Variants in STXBP6 observed in about 807,000 individuals in gnomAD.
The protein encoded by STXBP6 is syntaxin-binding protein 6.
In STXBP6, 21 loss-of-function variants were observed where a neutral mutation model predicts 26.9. That is an observed-to-expected ratio of 0.78 (90% CI 0.55 to 1.12). STXBP6 has a LOEUF of 1.12. STXBP6 is among the 50% of genes most tolerant of loss of function. The pLI is 0.00. For missense variants in STXBP6, 232 were observed against 257.9 expected, an observed-to-expected ratio of 0.90 and a Z score of 0.69; for synonymous variants, 97 against 92.6, an observed-to-expected ratio of 1.05 and a Z score of -0.27.
intron 2 of STXBP6, among the ~76,000 whole-genome samples, chr14:24,872,106 T>G: frequency 6.6e-6 from 1 of 152,142 alleles, no homozygotes; most frequent in East Asian, 1.9e-4. Context: ...GAAACTAAAC[T>G]ATGCCAAAAT....
At chr14:24,925,933 T>C (rs763979008) in intron 2 of STXBP6, among the ~76,000 whole-genome samples, 4 of 152,146 alleles carry the variant, frequency 2.6e-5, no homozygotes, top group Non-Finnish European at 5.9e-5. Flanking sequence ...GTTCAGAGAA[T>C]GTATTATAGA....
intron 1 of STXBP6, chr14:25,048,819 G>C (rs1444977557): frequency 6.6e-6 from 1 of 152,130 alleles, no homozygotes; most frequent in Non-Finnish European, 1.5e-5. Flanking sequence ...AACAAGAAGT[G>C]AAAAAAGTGG....
intron 2 of STXBP6, among the ~76,000 whole-genome samples, chr14:24,880,792 C>T (rs138714442): frequency 3.3e-5 from 5 of 152,160 alleles, no homozygotes; most frequent in South Asian, 4.2e-4. Flanking sequence ...ATGTACACCC[C>T]GGTACTAAAA....
At position 24,945,139 on chromosome 14, in the gene STXBP6, ATTTTTTT is replaced by A. The variant is rs552562019; in HGVS notation, c.154+29519_154+29525del. 3.4e-4 allele frequency among the ~76,000 whole-genome samples: 34 copies of A among 100,720 alleles called. 2 individuals are homozygous for A. Among genetic ancestry groups the A allele is most frequent in the Admixed American group, 2.9e-3 (24 of 8,372 alleles). The allele number at this position is 100,720 out of a possible 152,430, so 66.1% of individuals were successfully genotyped here. A position where few individuals can be genotyped will look rare whatever the true frequency, so the allele number is the denominator to read the frequency against. On this transcript the variant is annotated intron_variant, in intron 2 of 5. Transcript: ENST00000323944. Reference sequence around the variant, plus strand: ...TGGCATGTATATGAACCAATTAGGAATTTTTTTTTTTTTTTTTTTTTTTTTTTAGCAG... The same window carrying A: ...TGGCATGTATATGAACCAATTAGGAATTTTTTTTTTTTTTTTTTTTAGCAG...
chr14:24,911,882 C>A (rs2071587196), intron 2 of STXBP6, among the ~76,000 whole-genome samples: 1 of 152,164 alleles, frequency 6.6e-6, no homozygotes, highest in Admixed American at 6.5e-5. Context: ...TTGAAATCAG[C>A]CTCTCTGTTG....
intron 2 of STXBP6, chr14:24,878,888 A>T (rs1038837205): frequency 1.3e-5 from 5 of 394,642 alleles, no homozygotes; most frequent in South Asian, 9.6e-5. Flanking sequence ...TTACTGAAAC[A>T]GAACTGTGAA....
At chr14:25,040,622 G>C (rs1056760441) in intron 1 of STXBP6, among the ~76,000 whole-genome samples, 1 of 152,156 alleles carries the variant, frequency 6.6e-6, no homozygotes, top group African/African-American at 2.4e-5. Context: ...CATGGAGTTG[G>C]TTTCTCTCTG....
At chr14:24,880,227 A>G (rs1158242862) in intron 2 of STXBP6, among the ~76,000 whole-genome samples, 1 of 152,246 alleles carries the variant, frequency 6.6e-6, no homozygotes, top group African/African-American at 2.4e-5. Flanking sequence ...AAACCAGCGG[A>G]AAGTTTCCTT....
chr14:24,996,402 A>T (rs1158439386), intron 1 of STXBP6, among the ~76,000 whole-genome samples: 1 of 152,008 alleles, frequency 6.6e-6, no homozygotes, highest in Non-Finnish European at 1.5e-5. Context: ...CTATACCTGA[A>T]CCTCTCAGCT....
chr14:24,925,793 TA>T (rs2072141440), intron 2 of STXBP6, among the ~76,000 whole-genome samples: 1 of 152,154 alleles, frequency 6.6e-6, no homozygotes, highest in Non-Finnish European at 1.5e-5. Flanking sequence ...CTCCCCAAAA[TA>T]AATTTTATAA....
At chr14:24,827,440 T>C (rs1464302676) in intron 4 of STXBP6, among the ~76,000 whole-genome samples, 2 of 152,130 alleles carry the variant, frequency 1.3e-5, no homozygotes, top group Non-Finnish European at 2.9e-5. Context: ...AATCTTTTCC[T>C]TCCTTCCCTT....
intron 4 of STXBP6, among the ~76,000 whole-genome samples, chr14:24,832,495 T>A (rs992142119): frequency 1.2e-4 from 18 of 152,222 alleles, no homozygotes; most frequent in Non-Finnish European, 1.5e-5. Context: ...ATCTCTCTGG[T>A]GTCAATTTTG....
At chr14:24,838,599 G>A (rs569958846) in intron 4 of STXBP6, among the ~76,000 whole-genome samples, 1 of 152,056 alleles carries the variant, frequency 6.6e-6, no homozygotes, top group South Asian at 2.1e-4. Flanking sequence ...CAGAAGGATC[G>A]CTTGAACTCG....
intron 2 of STXBP6, among the ~76,000 whole-genome samples, chr14:24,949,534 T>TGA (rs1012539594): frequency 7.9e-5 from 12 of 152,102 alleles, no homozygotes; most frequent in African/African-American, 2.9e-4. Context: ...TTCCTCACAG[T>TGA]GAGAGAGAGA....
intron 2 of STXBP6, among the ~76,000 whole-genome samples, chr14:24,940,032 C>T (rs1291708320): frequency 6.6e-6 from 1 of 152,218 alleles, no homozygotes; most frequent in East Asian, 1.9e-4. Context: ...ACCTCCTGCA[C>T]TGTAATCCCC....
At chr14:24,949,907 C>T (rs561112053) in intron 2 of STXBP6, among the ~76,000 whole-genome samples, 2 of 152,210 alleles carry the variant, frequency 1.3e-5, no homozygotes, top group African/African-American at 2.4e-5. Context: ...ACCAATCTGG[C>T]TGTTCTGCAC....
rs546484132 is a variant in STXBP6 at position 24,889,579 on chromosome 14, A to AAC, written c.155-32423_155-32422insGT. Among the ~76,000 whole-genome samples the AAC allele has an allele frequency of 4.2e-3, 641 of 151,980 alleles. 11 individuals carry two copies. The highest frequency in any genetic ancestry group is 0.015 in the African/African-American group (605 of 41,512). On this transcript the variant is annotated intron_variant, in intron 2 of 5. Transcript: ENST00000323944. Reference sequence around the variant, plus strand: ...TAAAGTATAATAATAATAAAATAAAAAAAGAAAAAAAAAGAATACCCAGAA... The same window carrying AAC: ...TAAAGTATAATAATAATAAAATAAAAACAAAGAAAAAAAAAGAATACCCAGAA...
At position 24,934,874 on chromosome 14, in the gene STXBP6, C is replaced by T. The variant is rs116127971; in HGVS notation, c.154+39791G>A. ...GCAAACTGACCTCTGATAGAGAACA[C>T]CAAAAGACACATTTTAAGAACCTTA... On this transcript the variant is annotated intron_variant, in intron 2 of 5. Coordinates refer to ENST00000323944, the MANE Select transcript of STXBP6 (RefSeq NM_001394410.1). 5.2e-3 allele frequency among the ~76,000 whole-genome samples: 785 copies of T among 151,984 alleles called. 5 individuals carry two copies. The highest frequency in any genetic ancestry group is 0.018 in the African/African-American group (754 of 41,468).
chr14:25,030,287 G>A (rs80020078), intron 1 of STXBP6, among the ~76,000 whole-genome samples: 4,837 of 152,246 alleles, frequency 0.032, 275 homozygotes, highest in African/African-American at 0.11. Flanking sequence ...AGTACCCCAT[G>A]CCCAATATGA....
Sources: allele counts gnomAD v4.1 joint callset (sites outside exome capture counted in the v4.1 genomes callset), GRCh38; gene constraint gnomAD v4.1.1; transcripts MANE v1.5; gene names NCBI Gene and HGNC (gene_info 2026-07-23, HGNC 2026-07-21).